The following GUCY1A2 variants were observed in gnomAD, a reference collection of about 807,000 sequenced individuals.
GUCY1A2 encodes the protein guanylate cyclase 1 soluble subunit alpha 2, also known as guanylate cyclase soluble subunit alpha-2.
Under a neutral mutation model 63.5 loss-of-function variants are expected in GUCY1A2, and 27 were observed. The observed-to-expected ratio is 0.43, with a 90% CI of 0.31 to 0.59. The LOEUF (loss-of-function observed/expected upper bound fraction) is 0.59. Ranked by LOEUF, GUCY1A2 falls within the 20% of genes least tolerant of loss-of-function variation. The pLI is 0.11. For missense variants in GUCY1A2, 768 were observed against 913.3 expected, an observed-to-expected ratio of 0.84 and a Z score of 2.05; for synonymous variants, 364 against 343.5, an observed-to-expected ratio of 1.06 and a Z score of -0.66.
chr11:106,881,040 AT>A (rs1346928996), intron 4 of GUCY1A2, among the ~76,000 whole-genome samples: 1 of 152,104 alleles, frequency 6.6e-6, no homozygotes, highest in Non-Finnish European at 1.5e-5. Context: ...GGTAAATTAA[AT>A]TATCTCTGAG....
At chr11:106,775,518 T>C (rs1477920212) in intron 6 of GUCY1A2, among the ~76,000 whole-genome samples, 1 of 151,880 alleles carries the variant, frequency 6.6e-6, no homozygotes, top group Non-Finnish European at 1.5e-5. Context: ...AATTGTCATG[T>C]TTTTCCTGTT....
intron 4 of GUCY1A2, among the ~76,000 whole-genome samples, chr11:106,873,654 A>C (rs1419342095): frequency 6.6e-6 from 1 of 151,878 alleles, no homozygotes; most frequent in Non-Finnish European, 1.5e-5. Flanking sequence ...ATTCCTTGTA[A>C]ATTCTGGATA....
intron 6 of GUCY1A2, among the ~76,000 whole-genome samples, chr11:106,758,693 G>A (rs935004096): frequency 6.6e-6 from 1 of 152,196 alleles, no homozygotes; most frequent in African/African-American, 2.4e-5. Context: ...GGTACTTACT[G>A]ATTAGGATTT....
chr11:106,689,171 G>A (rs1862578582), intron 7 of GUCY1A2, among the ~76,000 whole-genome samples: 1 of 152,070 alleles, frequency 6.6e-6, no homozygotes, highest in African/African-American at 2.4e-5. Context: ...CTAAGGAGAA[G>A]AAGAAAATAT....
chr11:106,944,553 T>A (rs552308897), intron 3 of GUCY1A2, among the ~76,000 whole-genome samples: 1 of 152,266 alleles, frequency 6.6e-6, no homozygotes, highest in East Asian at 1.9e-4. Flanking sequence ...CCAGGTTTAA[T>A]ATCTGAGTGG....
chr11:106,961,410 G>A (rs2120063345), intron 3 of GUCY1A2, among the ~76,000 whole-genome samples: 1 of 152,218 alleles, frequency 6.6e-6, no homozygotes, highest in African/African-American at 2.4e-5. Context: ...TCTGAATGTG[G>A]ATCTTTTATT....
intron 6 of GUCY1A2, among the ~76,000 whole-genome samples, chr11:106,749,052 C>T (rs924055064): frequency 2.6e-5 from 4 of 152,012 alleles, no homozygotes; most frequent in Non-Finnish European, 2.9e-5. Flanking sequence ...TTTCACTATA[C>T]CTTTTCTTGT....
In GUCY1A2 at chr11:106,681,231, C is replaced by T. The variant is rs1862427201; in HGVS notation, c.*6318G>A. On this transcript the variant is annotated 3_prime_UTR_variant, in exon 8 of 8. Coordinates refer to ENST00000526355, the MANE Select transcript of GUCY1A2 (RefSeq NM_000855.3). Reference sequence around the variant, plus strand: ...AAAATACTATCATACTTACCAAAAACTTGTGTAGCTATCATTGAAAACAGT... The same window carrying T: ...AAAATACTATCATACTTACCAAAAATTTGTGTAGCTATCATTGAAAACAGT... 4.6e-6 allele frequency: 1 copy of T among 219,284 alleles called. No individual in the cohort carries two copies. The allele number at this position is 219,284 out of a possible 1,614,324, so 13.6% of individuals were successfully genotyped here.
intron 5 of GUCY1A2, among the ~76,000 whole-genome samples, chr11:106,796,996 A>T (rs1168541608): frequency 6.6e-6 from 1 of 151,656 alleles, no homozygotes; most frequent in African/African-American, 2.4e-5. Context: ...TTTTCTCTAA[A>T]CTTCTCTTCT....
intron 6 of GUCY1A2, among the ~76,000 whole-genome samples, chr11:106,721,655 G>A (rs1276551560): frequency 6.6e-6 from 1 of 152,174 alleles, no homozygotes; most frequent in South Asian, 2.1e-4. Flanking sequence ...CTCTCAACTG[G>A]AGAAGTGTCT....
chr11:106,931,820 G>A (rs1473037070), intron 4 of GUCY1A2, among the ~76,000 whole-genome samples: 2 of 152,206 alleles, frequency 1.3e-5, no homozygotes, highest in Non-Finnish European at 2.9e-5. Context: ...GTTGGCTGCA[G>A]TTGGAGGTAG....
intron 3 of GUCY1A2, among the ~76,000 whole-genome samples, chr11:106,957,937 A>G (rs10789555): frequency 0.91 from 129,464 of 142,650 alleles, 58,832 homozygotes; most frequent in East Asian, 1. Context: ...ATGGAAATCT[A>G]AAATTTTTTT....
At chr11:106,699,702 T>G (rs936225950) in intron 7 of GUCY1A2, among the ~76,000 whole-genome samples, 1 of 152,176 alleles carries the variant, frequency 6.6e-6, no homozygotes, top group Non-Finnish European at 1.5e-5. Flanking sequence ...ACTTCTAGAT[T>G]TAATCTTATG....
intron 3 of GUCY1A2, among the ~76,000 whole-genome samples, chr11:106,961,550 T>C (rs1354615662): frequency 1.3e-5 from 2 of 152,196 alleles, no homozygotes; most frequent in African/African-American, 2.4e-5. Context: ...CAACCGAATC[T>C]AGTACTTGGC....
chr11:106,860,890 C>T (rs1859502124), intron 4 of GUCY1A2, among the ~76,000 whole-genome samples: 1 of 152,032 alleles, frequency 6.6e-6, no homozygotes, highest in South Asian at 2.1e-4. Flanking sequence ...TCCCAACCCT[C>T]ATTTCAGCTT....
intron 6 of GUCY1A2, among the ~76,000 whole-genome samples, chr11:106,757,880 G>T (rs1385847610): frequency 6.6e-6 from 1 of 152,218 alleles, no homozygotes; most frequent in East Asian, 1.9e-4. Context: ...CTCGAATGTG[G>T]TGTTGGGAGA....
At chr11:106,889,130 GT>G (rs1859941338) in intron 4 of GUCY1A2, among the ~76,000 whole-genome samples, 2 of 152,048 alleles carry the variant, frequency 1.3e-5, no homozygotes, top group Admixed American at 1.3e-4. Flanking sequence ...ATGCCTCCAG[GT>G]TTCCACTTTC....
intron 4 of GUCY1A2, among the ~76,000 whole-genome samples, 179 bp downstream of exon 4, chr11:106,939,281 T>A (rs139168650): frequency 0.016 from 2,437 of 152,330 alleles, 30 homozygotes; most frequent in Non-Finnish European, 0.023. Context: ...GCAGACACTA[T>A]GCAAAATGGC....
chr11:107,017,521 T>C (rs1219881070), intron 1 of GUCY1A2, among the ~76,000 whole-genome samples: 1 of 152,214 alleles, frequency 6.6e-6, no homozygotes, highest in African/African-American at 2.4e-5. Flanking sequence ...CGAATCAGGA[T>C]ACCCCAAAGG....
Sources: gnomAD v4.1 joint callset for allele counts (sites outside exome capture counted in the v4.1 genomes callset) on GRCh38, gnomAD v4.1.1 for gene constraint, MANE v1.5 for transcripts, NCBI Gene and HGNC (gene_info 2026-07-23, HGNC 2026-07-21) for gene names.